The following ARHGEF9 variants were observed in gnomAD, a reference collection of about 807,000 sequenced individuals.
The protein encoded by ARHGEF9 is Cdc42 guanine nucleotide exchange factor 9, also known as rho guanine nucleotide exchange factor 9.
In ARHGEF9, 2 loss-of-function variants were observed where a neutral mutation model predicts 41.3. The ratio of observed to expected loss-of-function variants is 0.05; its 90% confidence interval spans 0.02 to 0.15. The LOEUF is 0.15. Ranked by LOEUF, ARHGEF9 falls within the 10% of genes least tolerant of loss-of-function variation. The pLI is 1.00. For synonymous variants in ARHGEF9, 160 were observed against 154.4 expected, an observed-to-expected ratio of 1.04 and a Z score of -0.27; for missense variants, 225 against 424.7, an observed-to-expected ratio of 0.53 and a Z score of 4.13.
chrX:63,647,473 C>T (rs1338155467), intron 8 of ARHGEF9, among the ~76,000 whole-genome samples: 2 of 111,744 alleles, frequency 1.8e-5, no homozygotes, highest in Non-Finnish European at 3.8e-5. Context: ...GCCTTTTCTG[C>T]ATCTATTGAG....
chrX:63,686,895 C>G (rs1556376159), intron 4 of ARHGEF9, among the ~76,000 whole-genome samples: 2 of 110,906 alleles, frequency 1.8e-5, no homozygotes, highest in African/African-American at 6.6e-5. Flanking sequence ...AAGGCACCCT[C>G]AAAATCAAGG....
In ARHGEF9 at chrX:63,665,945, C is replaced by T. The variant is rs782103101; in HGVS notation, c.1018G>A (p.Gly340Ser). Residue 340 changes from glycine (G) to serine (S), a missense_variant, in exon 7 of 10, where the codon GGC becomes AGC. Coordinates refer to ENST00000671741, the MANE Select transcript of ARHGEF9 (RefSeq NM_001353921.2). ...GEMAWIYQPY[G>S]RNQQRVFFLF... ...AAGAAGACCCGCTGCTGGTTGCGGC[C>T]GTAGGGCTGGTAGATCCAGGCCATC... The T allele has an allele frequency of 2.6e-5, 32 of 1,208,460 alleles. No individual in the cohort carries two copies. Among genetic ancestry groups the T allele is most frequent in the Non-Finnish European group, 3.5e-5 (31 of 894,901 alleles).
At chrX:63,684,691 G>A (rs1445104431) in intron 4 of ARHGEF9, among the ~76,000 whole-genome samples, 1 of 109,699 alleles carries the variant, frequency 9.1e-6, no homozygotes, top group African/African-American at 3.3e-5. Flanking sequence ...GTAATATGTT[G>A]CCTATATTTT....
At chrX:63,693,528 C>T (rs2051501240) in intron 4 of ARHGEF9, among the ~76,000 whole-genome samples, 1 of 103,545 alleles carries the variant, frequency 9.7e-6, no homozygotes, top group South Asian at 4.8e-4. Flanking sequence ...AGGAGAATTG[C>T]TGGAACCCGG....
chrX:63,637,871 TG>T lies in ARHGEF9; in HGVS notation c.*156del. ...CTGTGTGTGTGTGTGTGTGTGTGTG[TG>T]TGTGTGTGTCTGTGTGTGTGTGTGT... is the stretch of plus-strand genomic sequence containing the variant. On this transcript the variant is annotated 3_prime_UTR_variant, in exon 10 of 10. Transcript: ENST00000671741. The T allele has an allele frequency of 2.4e-6, 1 of 418,850 alleles. No individual in the cohort carries two copies. The highest frequency in any genetic ancestry group is 2.5e-5 in the African/African-American group (1 of 40,193). The allele number at this position is 418,850 out of a possible 1,213,427, so 34.5% of individuals were successfully genotyped here.
At chrX:63,731,650 C>G (rs2054299616) in intron 1 of ARHGEF9, among the ~76,000 whole-genome samples, 2 of 107,192 alleles carry the variant, frequency 1.9e-5, no homozygotes, top group African/African-American at 6.9e-5. Context: ...ACCTCCACCT[C>G]CCGGGTTCAA....
intron 1 of ARHGEF9, among the ~76,000 whole-genome samples, chrX:63,768,551 C>T (rs782689700): frequency 8.0e-5 from 9 of 112,144 alleles, no homozygotes; most frequent in African/African-American, 2.9e-4. Context: ...TTTGAGAAAT[C>T]TCTATACTGT....
chrX:63,744,696 A>C (rs1238218120), intron 1 of ARHGEF9, among the ~76,000 whole-genome samples: 2 of 111,760 alleles, frequency 1.8e-5, no homozygotes, highest in African/African-American at 6.5e-5. Context: ...AAGACTGTTC[A>C]AGAGGAGTAG....
intron 1 of ARHGEF9, among the ~76,000 whole-genome samples, chrX:63,750,207 CA>C (rs2055536086): frequency 8.9e-6 from 1 of 112,021 alleles, no homozygotes; most frequent in Non-Finnish European, 1.9e-5. Flanking sequence ...AGATGGCAGA[CA>C]AAGGCTAAAG....
At chrX:63,736,730 T>C (rs1448149774) in intron 1 of ARHGEF9, among the ~76,000 whole-genome samples, 3 of 112,062 alleles carry the variant, frequency 2.7e-5, no homozygotes, top group African/African-American at 9.7e-5. Flanking sequence ...CACAAAAAAG[T>C]AATTCTGTGA....
chrX:63,712,848 T>G (rs2053032945), intron 2 of ARHGEF9: 1 of 111,710 alleles, frequency 9.0e-6, no homozygotes, highest in Admixed American at 9.5e-5. Context: ...TTGTGTGAAA[T>G]CCTTGTCAAC....
chrX:63,663,239 G>C (rs782481377), intron 7 of ARHGEF9, among the ~76,000 whole-genome samples: 1 of 111,672 alleles, frequency 9.0e-6, no homozygotes, highest in Non-Finnish European at 1.9e-5. Context: ...GGGGTTGTCA[G>C]ACTATCACTT....
chrX:63,765,398 A>T (rs192267017), intron 1 of ARHGEF9, among the ~76,000 whole-genome samples: 12 of 104,800 alleles, frequency 1.1e-4, no homozygotes, highest in South Asian at 8.3e-4. Flanking sequence ...AAAAAAAATT[A>T]AAAAAAAAAA....
At chrX:63,763,467 C>G (rs1442890590) in intron 1 of ARHGEF9, among the ~76,000 whole-genome samples, 5 of 100,680 alleles carry the variant, frequency 5.0e-5, no homozygotes, top group African/African-American at 1.8e-4. Flanking sequence ...CCCCCTCCCT[C>G]CACCCCGTGC....
intron 4 of ARHGEF9, among the ~76,000 whole-genome samples, chrX:63,685,671 T>C (rs1410591986): frequency 1.8e-5 from 2 of 111,850 alleles, no homozygotes; most frequent in Non-Finnish European, 3.8e-5. Flanking sequence ...TGCACATATA[T>C]GCTTAATTGA....
At chrX:63,644,639 A>T (rs1216985119) in intron 8 of ARHGEF9, among the ~76,000 whole-genome samples, 1 of 109,498 alleles carries the variant, frequency 9.1e-6, no homozygotes, top group East Asian at 2.9e-4. Context: ...CTTCAGGATA[A>T]AAAAAAAATC....
In ARHGEF9 at chrX:63,655,808, C is replaced by T. The variant is rs1556335338; in HGVS notation, c.1078-71G>A. 2.6e-6 allele frequency: 3 copies of T among 1,148,331 alleles called. No homozygotes were observed. In the African/African-American group the frequency reaches 5.3e-5, roughly 20 times the overall value. The allele number at this position is 1,148,331 out of a possible 1,213,427, so 94.6% of individuals were successfully genotyped here. ...TACTAGAAGAGTTGGCACAGGGGCA[C>T]AGCAGAATGCTAACACTGTCACCGT... On this transcript the variant is annotated intron_variant, in intron 7 of 9. Coordinates refer to ENST00000671741, the MANE Select transcript of ARHGEF9 (RefSeq NM_001353921.2).
In ARHGEF9 at chrX:63,785,212, A is replaced by C; in HGVS notation, c.-67T>G. The C allele has an allele frequency of 9.0e-7, 1 of 1,108,453 alleles. No individual in the cohort carries two copies. The highest frequency in any genetic ancestry group is 2.1e-5 in the South Asian group (1 of 48,417). 91.3% of individuals were successfully genotyped at this position (1,108,453 alleles called of 1,213,427 possible). The stretch of plus-strand genomic sequence containing the variant: ...CGCGAGTTGTCGCGGGCTGACTAGA[A>C]GGGCTGGGCTGAAGCAAGCGAGAGC... On this transcript the variant is annotated 5_prime_UTR_variant, in exon 1 of 10. Transcript: ENST00000671741.
chrX:63,670,419 T>C (rs1237157819), intron 6 of ARHGEF9: 2 of 110,562 alleles, frequency 1.8e-5, no homozygotes, highest in Non-Finnish European at 3.8e-5. Flanking sequence ...AACAGGTCCT[T>C]GGGTATTACA....
Sources: gnomAD v4.1 joint callset for allele counts (sites outside exome capture counted in the v4.1 genomes callset) on GRCh38, gnomAD v4.1.1 for gene constraint, MANE v1.5 for transcripts, NCBI Gene and HGNC (gene_info 2026-07-23, HGNC 2026-07-21) for gene names.